The following CD247 variants were observed in gnomAD, a reference collection of about 807,000 sequenced individuals.
CD247 encodes CD247 molecule, also known as T-cell surface glycoprotein CD3 zeta chain.
Under a neutral mutation model 30.0 loss-of-function variants are expected in CD247, and 13 were observed. That is an observed-to-expected ratio of 0.43 (90% CI 0.28 to 0.69). CD247 has a LOEUF of 0.69. Ranked by LOEUF, CD247 falls within the 30% of genes least tolerant of loss-of-function variation. The pLI, the probability that CD247 is intolerant of heterozygous loss-of-function variation, is 0.16. For synonymous variants in CD247, 72 were observed against 80.0 expected (o/e 0.90, Z 0.53); for missense variants, 193 against 212.6 (o/e 0.91, Z 0.57).
intron 1 of CD247, among the ~76,000 whole-genome samples, chr1:167,488,878 C>T (rs1329771861): frequency 1.3e-5 from 2 of 152,106 alleles, no homozygotes; most frequent in African/African-American, 4.8e-5. Context: ...CGAATAAAAA[C>T]CCAGGGAAGC....
intron 1 of CD247, among the ~76,000 whole-genome samples, chr1:167,482,711 GAC>G (rs1485533889): frequency 6.6e-6 from 1 of 152,200 alleles, no homozygotes; most frequent in African/African-American, 2.4e-5. Context: ...AATCCTTCTG[GAC>G]AAATATCCAA....
intron 1 of CD247, among the ~76,000 whole-genome samples, chr1:167,516,991 G>A (rs530352964): frequency 6.6e-6 from 1 of 152,312 alleles, no homozygotes; most frequent in East Asian, 1.9e-4. Flanking sequence ...CTGGTGTGGT[G>A]TCTCAAGCCT....
intron 1 of CD247, among the ~76,000 whole-genome samples, chr1:167,442,316 C>A (rs1040044573): frequency 1.3e-5 from 2 of 152,222 alleles, no homozygotes; most frequent in Admixed American, 6.5e-5. Flanking sequence ...GTGTCTGTCT[C>A]CCAAGGCCTG....
At chr1:167,482,233 A>G (rs1214605) in intron 1 of CD247, among the ~76,000 whole-genome samples, 58,157 of 151,976 alleles carry the variant, frequency 0.38, 11,300 homozygotes, top group Middle Eastern at 0.48. Context: ...GAATGAAGGG[A>G]TCAAGCTGGC....
At chr1:167,479,700 C>A (rs1374954184) in intron 1 of CD247, among the ~76,000 whole-genome samples, 1 of 152,164 alleles carries the variant, frequency 6.6e-6, no homozygotes, top group Non-Finnish European at 1.5e-5. Context: ...AGGTCCACAC[C>A]TTTGGGAACT....
At chr1:167,448,055 C>G (rs1571524967) in intron 1 of CD247, among the ~76,000 whole-genome samples, 2 of 152,162 alleles carry the variant, frequency 1.3e-5, no homozygotes, top group Admixed American at 6.5e-5. Flanking sequence ...CCAGACCATC[C>G]CCCTCAGTGG....
rs150504996 is a variant in CD247 at position 167,497,808 on chromosome 1, C to T, written c.58+20600G>A. 6.6e-3 allele frequency among the ~76,000 whole-genome samples: 1,002 copies of T among 152,284 alleles called. 6 individuals are homozygous for T. The highest frequency in any genetic ancestry group is 0.018 in the African/African-American group (736 of 41,554). ...TACAATATCTTTCTGGCTCAGCCAC[C>T]AGCTTTGTGATTCTGCCATCTCCTT... On this transcript the variant is annotated intron_variant, in intron 1 of 7. Transcript: ENST00000362089.
At chr1:167,483,435 T>C (rs950306124) in intron 1 of CD247, among the ~76,000 whole-genome samples, 1 of 152,080 alleles carries the variant, frequency 6.6e-6, no homozygotes, top group Middle Eastern at 3.2e-3. Context: ...TACCCTGCTT[T>C]CCCACCAACC....
chr1:167,515,940 C>G (rs1485661843), intron 1 of CD247, among the ~76,000 whole-genome samples: 2 of 152,252 alleles, frequency 1.3e-5, no homozygotes, highest in African/African-American at 4.8e-5. Context: ...ATTGTCACAT[C>G]TCTGCAAAGA....
At chr1:167,479,035 A>G (rs1653863925) in intron 1 of CD247, among the ~76,000 whole-genome samples, 2 of 152,226 alleles carry the variant, frequency 1.3e-5, no homozygotes. Context: ...TTTGCTCTCT[A>G]TTTAAAAAGG....
intron 3 of CD247, among the ~76,000 whole-genome samples, chr1:167,439,044 C>G (rs910700204): frequency 5.3e-5 from 8 of 152,314 alleles, no homozygotes; most frequent in Admixed American, 2.6e-4. Context: ...TTCTCCACCC[C>G]CCTCTAGCCT....
rs1651658777 is a variant in CD247, at chr1:167,438,560, G to A, written c.300+10C>T. On this transcript the variant is annotated intron_variant, in intron 4 of 7. Coordinates refer to ENST00000362089, the MANE Select transcript of CD247 (RefSeq NM_198053.3). ...TGCAGGAACACACAGGAAGGTAGAG[G>A]AACCCCTACCGGCTTTCCCCCCATC... The A allele has an allele frequency of 6.2e-7, 1 of 1,610,392 alleles. No homozygotes were observed. Among genetic ancestry groups the A allele is most frequent in the Admixed American group, 1.7e-5 (1 of 59,994 alleles).
At chr1:167,473,526 T>C (rs1653619409) in intron 1 of CD247, among the ~76,000 whole-genome samples, 1 of 152,106 alleles carries the variant, frequency 6.6e-6, no homozygotes. Flanking sequence ...TGAGGCGCTG[T>C]TATTATTCCC....
At chr1:167,478,728 A>G (rs1418946925) in intron 1 of CD247, among the ~76,000 whole-genome samples, 1 of 152,212 alleles carries the variant, frequency 6.6e-6, no homozygotes, top group Non-Finnish European at 1.5e-5. Flanking sequence ...TAATATGGGT[A>G]AAATGCTTTA....
At chr1:167,481,765 G>A (rs975506139) in intron 1 of CD247, among the ~76,000 whole-genome samples, 23 of 152,212 alleles carry the variant, frequency 1.5e-4, no homozygotes, top group Non-Finnish European at 2.9e-4. Flanking sequence ...AGCAGTGGTG[G>A]GGTGGGGCGG....
intron 1 of CD247, among the ~76,000 whole-genome samples, chr1:167,442,179 T>G (rs1160521927): frequency 6.6e-6 from 1 of 152,232 alleles, no homozygotes; most frequent in East Asian, 1.9e-4. Flanking sequence ...GAGACTCAGA[T>G]TTTAGTCTGA....
At chr1:167,462,209 T>C (rs1328247044) in intron 1 of CD247, among the ~76,000 whole-genome samples, 1 of 152,212 alleles carries the variant, frequency 6.6e-6, no homozygotes, top group Non-Finnish European at 1.5e-5. Context: ...GGGTTTAAGA[T>C]TCTCCTTTGA....
intron 1 of CD247, among the ~76,000 whole-genome samples, chr1:167,509,130 G>A (rs1655272263): frequency 6.6e-6 from 1 of 152,174 alleles, no homozygotes; most frequent in African/African-American, 2.4e-5. Context: ...ACTTTGGGAG[G>A]CCGAGGCAGG....
chr1:167,458,912 C>T (rs1378375718), intron 1 of CD247, among the ~76,000 whole-genome samples: 4 of 150,842 alleles, frequency 2.7e-5, no homozygotes, highest in Admixed American at 2.6e-4. Flanking sequence ...CACTTGAGGC[C>T]AGGAGTTCGA....
Sources: gnomAD v4.1 joint callset for allele counts (sites outside exome capture counted in the v4.1 genomes callset) on GRCh38, gnomAD v4.1.1 for gene constraint, MANE v1.5 for transcripts, NCBI Gene and HGNC (gene_info 2026-07-23, HGNC 2026-07-21) for gene names.